TMEM72: variants seen among roughly 807,000 people sequenced by gnomAD.
The protein encoded by TMEM72 is transmembrane protein 72.
TMEM72 carries 9 observed loss-of-function variants against 16.3 expected under a neutral mutation model. The observed-to-expected ratio is 0.55, with a 90% CI of 0.33 to 0.96. The LOEUF is 0.96. TMEM72 is among the 40% of genes least tolerant of loss of function. The pLI, the probability that TMEM72 is intolerant of heterozygous loss-of-function variation, is 0.03. For synonymous variants in TMEM72, 160 were observed against 146.5 expected, an observed-to-expected ratio of 1.09 and a Z score of -0.66; for missense variants, 324 against 337.8, an observed-to-expected ratio of 0.96 and a Z score of 0.32.
intron 1 of TMEM72, among the ~76,000 whole-genome samples, chr10:44,923,663 G>A (rs1303956126): frequency 1.3e-5 from 2 of 152,174 alleles, no homozygotes; most frequent in Non-Finnish European, 2.9e-5. Context: ...CTGAGTGAGG[G>A]GCAACAGGGC....
At chr10:44,931,945 G>A in intron 2 of TMEM72, 53 bp from the exon 3 acceptor site, 2 of 1,564,368 alleles carry the variant, frequency 1.3e-6, no homozygotes, top group Non-Finnish European at 1.7e-6. Context: ...CAGCCCTCAG[G>A]AAAGCAAAGG....
chr10:44,920,931 G>T (rs181544063), intron 1 of TMEM72, among the ~76,000 whole-genome samples: 37 of 152,294 alleles, frequency 2.4e-4, no homozygotes, highest in African/African-American at 8.4e-4. Flanking sequence ...CCCATGCTGA[G>T]ACCAGAGCTC....
At chr10:44,917,586 G>A (rs905588842) in intron 1 of TMEM72, among the ~76,000 whole-genome samples, 24 of 152,174 alleles carry the variant, frequency 1.6e-4, no homozygotes, top group Non-Finnish European at 4.4e-5. Context: ...TGGGATGACA[G>A]CTCTTTCAAG....
At chr10:44,929,119 A>G (rs938467088) in intron 2 of TMEM72, among the ~76,000 whole-genome samples, 11 of 152,260 alleles carry the variant, frequency 7.2e-5, no homozygotes, top group Admixed American at 3.3e-4. Flanking sequence ...GCTCATGAGC[A>G]GCAGGATCCA....
intron 4 of TMEM72, among the ~76,000 whole-genome samples, chr10:44,934,205 C>T (rs1468591802): frequency 1.6e-5 from 2 of 123,018 alleles, no homozygotes; most frequent in Non-Finnish European, 3.4e-5. Context: ...TCTTCACAGC[C>T]TCATCTCCTA....
chr10:44,915,573 T>C (rs1238667234), intron 1 of TMEM72, among the ~76,000 whole-genome samples: 1 of 152,058 alleles, frequency 6.6e-6, no homozygotes, highest in Non-Finnish European at 1.5e-5. Context: ...CATAGTATTT[T>C]GATGACCCCA....
intron 1 of TMEM72, among the ~76,000 whole-genome samples, chr10:44,926,917 C>T (rs1361988869): frequency 1.3e-5 from 2 of 152,180 alleles, no homozygotes; most frequent in East Asian, 1.9e-4. Context: ...AGACACCAGG[C>T]GATGGAAGCC....
rs369180316 is a variant in TMEM72, at chr10:44,911,512, C to T, written c.-1C>T. 2 of 1,550,764 alleles carry T rather than the reference C, an allele frequency of 1.3e-6. No individual in the cohort carries two copies. Among genetic ancestry groups the T allele is most frequent in the African/African-American group, 1.4e-5 (1 of 73,094 alleles). On this transcript the variant is annotated 5_prime_UTR_variant, in exon 1 of 5. Coordinates refer to ENST00000389583, the MANE Select transcript of TMEM72 (RefSeq NM_001123376.3). The stretch of plus-strand genomic sequence containing the variant: ...AGGACTTTGTCCTCACCCCTGGCAC[C>T]ATGCAGCTCCAGGTGTTCTGGACTG...
chr10:44,929,257 C>T (rs1475292542), intron 2 of TMEM72, among the ~76,000 whole-genome samples: 1 of 152,186 alleles, frequency 6.6e-6, no homozygotes, highest in Non-Finnish European at 1.5e-5. Context: ...ATTAGAAGAA[C>T]CTGGGTCTCT....
intron 1 of TMEM72, among the ~76,000 whole-genome samples, chr10:44,927,129 T>C (rs1368172664): frequency 3.9e-5 from 6 of 152,028 alleles, no homozygotes; most frequent in East Asian, 3.9e-4. Flanking sequence ...AGGGTCAGCA[T>C]TGTAATCAGT....
chr10:44,931,369 G>A lies in TMEM72; in HGVS notation c.138-629G>A, dbSNP rs118024568. On this transcript the variant is annotated intron_variant, in intron 2 of 4. Coordinates refer to ENST00000389583, the MANE Select transcript of TMEM72 (RefSeq NM_001123376.3). ...GCAGGATCCATGGACCACACTGGGA[G>A]CACAAGGAGCCTTTGAGGCATCCTG... Among the ~76,000 whole-genome samples, 209 of 152,324 alleles carry A rather than the reference G, an allele frequency of 1.4e-3. 1 individual carries two copies. Among genetic ancestry groups the A allele is most frequent in the East Asian group, 6.9e-3 (36 of 5,182 alleles).
chr10:44,927,888 A>T (rs1189278932), intron 1 of TMEM72, 33 bp from the exon 2 acceptor site: 3 of 1,604,590 alleles, frequency 1.9e-6, no homozygotes, highest in African/African-American at 2.8e-5. Context: ...GTAGAGCACC[A>T]GGCCCACTCT....
At chr10:44,923,050 A>G (rs1187946803) in intron 1 of TMEM72, 2 of 152,274 alleles carry the variant, frequency 1.3e-5, no homozygotes, top group Non-Finnish European at 2.9e-5. Flanking sequence ...TGATTCGGAA[A>G]TTCTGGCAGA....
intron 2 of TMEM72, among the ~76,000 whole-genome samples, chr10:44,929,147 C>CT (rs1840250362): frequency 6.6e-6 from 1 of 151,658 alleles, no homozygotes; most frequent in South Asian, 2.1e-4. Context: ...ACCCAAGACC[C>CT]TTTTTTTCCC....
At chr10:44,928,066 C>A in intron 2 of TMEM72, 79 bp downstream of exon 2, 2 of 1,500,668 alleles carry the variant, frequency 1.3e-6, no homozygotes, top group Non-Finnish European at 9.2e-7. Context: ...CAGAATAACT[C>A]AGAGCAGTCC....
At chr10:44,923,516 T>A (rs1589042841) in intron 1 of TMEM72, among the ~76,000 whole-genome samples, 1 of 152,152 alleles carries the variant, frequency 6.6e-6, no homozygotes. Context: ...TCTTAGCCAA[T>A]TTTCCTGAGA....
intron 4 of TMEM72, 119 bp downstream of exon 4, chr10:44,933,895 C>T (rs1248425813): frequency 1.6e-6 from 2 of 1,254,386 alleles, no homozygotes; most frequent in Non-Finnish European, 2.1e-6. Flanking sequence ...TGCCCCACTG[C>T]CCTCTCTGAC....
intron 1 of TMEM72, among the ~76,000 whole-genome samples, chr10:44,922,814 T>TG (rs373144759): frequency 2.0e-5 from 3 of 152,176 alleles, no homozygotes; most frequent in African/African-American, 7.2e-5. Flanking sequence ...TCCAAGGCTA[T>TG]GGGGCAGGTG....
intron 1 of TMEM72, chr10:44,919,859 T>A (rs949164337): frequency 3.9e-5 from 6 of 152,194 alleles, no homozygotes; most frequent in Non-Finnish European, 8.8e-5. Context: ...CACACGTAGG[T>A]AAACCTCCCC....
Sources: allele counts gnomAD v4.1 joint callset (sites outside exome capture counted in the v4.1 genomes callset), GRCh38; gene constraint gnomAD v4.1.1; transcripts MANE v1.5; gene names NCBI Gene and HGNC (gene_info 2026-07-23, HGNC 2026-07-21).